The following ENPP3 variants were observed in gnomAD, a reference collection of about 807,000 sequenced individuals.
ENPP3 encodes ectonucleotide pyrophosphatase/phosphodiesterase 3, also known as ectonucleotide pyrophosphatase/phosphodiesterase family member 3.
ENPP3 carries 104 observed loss-of-function variants against 117.8 expected under a neutral mutation model. The ratio of observed to expected loss-of-function variants is 0.88; its 90% CI spans 0.75 to 1.04. ENPP3 has a LOEUF of 1.04. ENPP3 is among the 50% of genes least tolerant of loss of function. ENPP3 has a pLI of 0.00. For synonymous variants in ENPP3, 380 were observed against 349.9 expected (o/e 1.09, Z -0.96); for missense variants, 1,026 against 1,051.9 (o/e 0.98, Z 0.34).
At chr6:131,668,170 A>G (rs1309782181) in intron 6 of ENPP3, among the ~76,000 whole-genome samples, 4 of 133,412 alleles carry the variant, frequency 3.0e-5, no homozygotes, top group Non-Finnish European at 6.4e-5. Flanking sequence ...TAAGGACTAC[A>G]TTGTAGTTTT....
At chr6:131,675,547 G>C (rs1389521885) in intron 9 of ENPP3, among the ~76,000 whole-genome samples, 1 of 152,118 alleles carries the variant, frequency 6.6e-6, no homozygotes, top group African/African-American at 2.4e-5. Context: ...TTCAAGTCCA[G>C]CCAGGTGCGG....
rs1290858040 is a variant in ENPP3, at chr6:131,641,634, T to C, written c.154+104T>C. On this transcript the variant is annotated intron_variant, in intron 2 of 24. Coordinates refer to ENST00000357639, the MANE Select transcript of ENPP3 (RefSeq NM_005021.5). ...CATCCCAAGCCTCCTCTGTCCTCCA[T>C]GCAGCATTCTGCTTCTAGACATCTC... 3 of 684,568 alleles carry C rather than the reference T, an allele frequency of 4.4e-6. No homozygotes were observed. In the African/African-American group the frequency reaches 5.3e-5, roughly 12 times the overall value. The allele number at this position is 684,568 out of a possible 1,614,324, so 42.4% of individuals were successfully genotyped here. A position where few individuals can be genotyped will look rare whatever the true frequency, so the allele number is the denominator to read the frequency against.
chr6:131,638,260 C>T (rs962335545), intron 1 of ENPP3, among the ~76,000 whole-genome samples: 1 of 152,110 alleles, frequency 6.6e-6, no homozygotes, highest in East Asian at 1.9e-4. Context: ...ATTATTCTCT[C>T]CCCTTGCTTC....
At chr6:131,720,438 T>C in intron 17 of ENPP3, 59 bp downstream of exon 17, 1 of 848,098 alleles carries the variant, frequency 1.2e-6, no homozygotes, top group Non-Finnish European at 1.8e-6. Context: ...TATATGTGAT[T>C]TGAAATTGGT....
chr6:131,702,375 A>T (rs1171532886), intron 15 of ENPP3, among the ~76,000 whole-genome samples: 2 of 150,758 alleles, frequency 1.3e-5, no homozygotes, highest in African/African-American at 4.9e-5. Flanking sequence ...TATCTCACAA[A>T]ATCTTTTCTT....
At chr6:131,652,954 T>A in intron 5 of ENPP3, 63 bp downstream of exon 5, 1 of 1,114,028 alleles carries the variant, frequency 9.0e-7, no homozygotes, top group Non-Finnish European at 1.4e-6. Context: ...AAGAATGTAG[T>A]TAGTTGAGAC....
At chr6:131,728,273 G>C (rs528213691) in intron 20 of ENPP3, among the ~76,000 whole-genome samples, 58 of 152,170 alleles carry the variant, frequency 3.8e-4, no homozygotes, top group Non-Finnish European at 6.6e-4. Context: ...GAAAATTCCA[G>C]GTATGAGGGG....
chr6:131,651,603 T>A (rs188360168), intron 3 of ENPP3, among the ~76,000 whole-genome samples: 1 of 152,286 alleles, frequency 6.6e-6, no homozygotes, highest in African/African-American at 2.4e-5. Context: ...GAAATGCTGT[T>A]CTCTAGGTGG....
chr6:131,650,566 A>G (rs1438397324), intron 3 of ENPP3, among the ~76,000 whole-genome samples: 1 of 152,152 alleles, frequency 6.6e-6, no homozygotes, highest in Non-Finnish European at 1.5e-5. Flanking sequence ...TTAGTTTCCT[A>G]AGGCTGCCAT....
chr6:131,744,127 G>A (rs1780584523), intron 24 of ENPP3, among the ~76,000 whole-genome samples: 1 of 152,200 alleles, frequency 6.6e-6, no homozygotes. Flanking sequence ...CAAGCTATAG[G>A]AATGATAGAT....
At chr6:131,729,150 C>G (rs1780220687) in intron 20 of ENPP3, among the ~76,000 whole-genome samples, 1 of 152,040 alleles carries the variant, frequency 6.6e-6, no homozygotes, top group South Asian at 2.1e-4. Flanking sequence ...GTTAAAAAGC[C>G]TTTTTTCTTG....
chr6:131,660,837 C>T (rs918674153), intron 6 of ENPP3, among the ~76,000 whole-genome samples: 2 of 152,144 alleles, frequency 1.3e-5, no homozygotes, highest in African/African-American at 2.4e-5. Context: ...CTAGAATTTA[C>T]TTATTTTATA....
chr6:131,692,589 G>A (rs1178984716), intron 14 of ENPP3, among the ~76,000 whole-genome samples: 1 of 149,326 alleles, frequency 6.7e-6, no homozygotes, highest in Non-Finnish European at 1.5e-5. Context: ...AGACTCAAAA[G>A]TTGTCATTAT....
Position 131,746,934 on chromosome 6 carries a change from C to G in ENPP3, c.2606C>G (p.Pro869Arg). Residue 869 changes from proline (P) to arginine (R), a missense_variant, in exon 25 of 25, where the codon CCA (proline) becomes CGA (arginine). Physicochemically the swap from Pro to Arg is moderately radical, Grantham distance 103. Transcript: ENST00000357639. ...ATTTTGCAACTAAAGACATATTTAC[C>G]AACATTTGAAACCACTATTTAACTT... The part of the protein sequence containing the change: ...SEILQLKTYL[P>R]TFETTI 1 of 1,603,666 alleles carries G rather than the reference C, an allele frequency of 6.2e-7. No homozygotes were observed. The highest frequency in any genetic ancestry group is 8.5e-7 in the Non-Finnish European group (1 of 1,172,858).
chr6:131,685,893 GT>G lies in ENPP3; in HGVS notation c.1272del (p.Arg425GlufsTer16). ...DFFSFNSEEI[V>X]RNLSCRKPDQ... is the part of the protein sequence containing the mutation. ...TGAAACAGTTAATTCTGAGGAAATT[GT>G]TAGAAACCTCAGTGTAAGTATACAA... On this transcript the variant is annotated frameshift_variant, in exon 14 of 25. Coordinates refer to ENST00000357639, the MANE Select transcript of ENPP3 (RefSeq NM_005021.5). LOFTEE classifies it high-confidence loss of function. The G allele has an allele frequency of 2.1e-6, 2 of 948,700 alleles. No individual in the cohort carries two copies. Among genetic ancestry groups the G allele is most frequent in the Non-Finnish European group, 3.3e-6 (2 of 604,128 alleles). 58.8% of individuals were successfully genotyped at this position (948,700 alleles called of 1,614,324 possible). A position where few individuals can be genotyped will look rare whatever the true frequency, so the allele number is the denominator to read the frequency against.
chr6:131,688,694 T>C (rs1023577775), intron 14 of ENPP3, among the ~76,000 whole-genome samples: 2 of 151,980 alleles, frequency 1.3e-5, no homozygotes, highest in Non-Finnish European at 2.9e-5. Flanking sequence ...AAGGCTGAGA[T>C]GGGTGAGGAA....
intron 15 of ENPP3, chr6:131,701,082 G>C: frequency 1.8e-6 from 1 of 563,300 alleles, no homozygotes; most frequent in Non-Finnish European, 2.9e-6. Context: ...TTCTGTGACA[G>C]CAAAAGTGGA....
At chr6:131,640,336 T>A (rs781284364) in intron 1 of ENPP3, among the ~76,000 whole-genome samples, 30 of 152,218 alleles carry the variant, frequency 2.0e-4, no homozygotes, top group Non-Finnish European at 2.9e-4. Flanking sequence ...TGGTGTTATT[T>A]AGTAAATGCT....
chr6:131,696,111 A>G (rs893450574), intron 15 of ENPP3, among the ~76,000 whole-genome samples: 1 of 152,218 alleles, frequency 6.6e-6, no homozygotes, highest in African/African-American at 2.4e-5. Flanking sequence ...CATTTTCATC[A>G]TCATCATCTT....
Sources: allele counts gnomAD v4.1 joint callset (sites outside exome capture counted in the v4.1 genomes callset), GRCh38; gene constraint gnomAD v4.1.1; transcripts MANE v1.5; gene names NCBI Gene and HGNC (gene_info 2026-07-23, HGNC 2026-07-21).